Variants in DTNA observed in about 807,000 individuals in gnomAD.
DTNA encodes the protein dystrobrevin alpha, also known as dystrophin-related protein 3.
Under a neutral mutation model 100.7 loss-of-function variants are expected in DTNA, and 43 were observed. The observed-to-expected ratio is 0.43, with a 90% CI of 0.33 to 0.55. The LOEUF (loss-of-function observed/expected upper bound fraction) is 0.55, where lower values mean the gene tolerates loss of function less well. DTNA is among the 20% of genes least tolerant of loss of function. The probability of loss-of-function intolerance (pLI) is 0.04; values close to 1 mark genes in which losing one functional copy is unlikely to be tolerated. For synonymous variants in DTNA, 349 were observed against 347.9 expected (o/e 1.00, Z -0.04); for missense variants, 798 against 953.9 (o/e 0.84, Z 2.15).
intron 8 of DTNA, among the ~76,000 whole-genome samples, chr18:34,819,951 T>C (rs553355898): frequency 7.1e-4 from 107 of 150,212 alleles, no homozygotes; most frequent in Non-Finnish European, 1.3e-3. Context: ...GGTTTTATTA[T>C]TATGTTGGTG....
At chr18:34,874,283 G>A (rs1202627985) in intron 17 of DTNA, among the ~76,000 whole-genome samples, 6 of 152,318 alleles carry the variant, frequency 3.9e-5, no homozygotes, top group Non-Finnish European at 7.3e-5. Context: ...AACAGACTGG[G>A]ATGGAATTGA....
intron 1 of DTNA, among the ~76,000 whole-genome samples, chr18:34,746,645 C>T (rs868754334): frequency 1.3e-5 from 2 of 152,164 alleles, no homozygotes; most frequent in South Asian, 2.1e-4. Context: ...CCCACAGGGA[C>T]TCTGGAGGTC....
At chr18:34,626,697 G>A (rs1342594526) in intron 1 of DTNA, among the ~76,000 whole-genome samples, 3 of 152,200 alleles carry the variant, frequency 2.0e-5, no homozygotes, top group Non-Finnish European at 4.4e-5. Context: ...AGATATTAGT[G>A]ATAAGGAGGC....
intron 1 of DTNA, among the ~76,000 whole-genome samples, chr18:34,595,743 C>G (rs1281787765): frequency 6.6e-6 from 1 of 152,090 alleles, no homozygotes; most frequent in African/African-American, 2.4e-5. Context: ...AATTAAAGAT[C>G]GTAAGAGTAA....
At chr18:34,524,303 G>C (rs1224676469) in intron 1 of DTNA, among the ~76,000 whole-genome samples, 2 of 152,064 alleles carry the variant, frequency 1.3e-5, no homozygotes, top group Non-Finnish European at 2.9e-5. Context: ...GTACTACTTC[G>C]CATGTGATTA....
At chr18:34,553,277 T>C (rs2045654114) in intron 1 of DTNA, among the ~76,000 whole-genome samples, 1 of 151,832 alleles carries the variant, frequency 6.6e-6, no homozygotes, top group South Asian at 2.1e-4. Flanking sequence ...TTCTGGATAT[T>C]AGCCCTTTGT....
In DTNA at chr18:34,493,940, G is replaced by T. The variant is rs2038859638; in HGVS notation, c.-2+426G>T. 5 of 148,180 alleles carry T rather than the reference G, an allele frequency of 3.4e-5. No homozygotes were observed. In the South Asian group the frequency reaches 1.0e-3, roughly 31 times the overall value. The allele number at this position is 148,180 out of a possible 1,614,324, so 9.2% of individuals were successfully genotyped here. A position where few individuals can be genotyped will look rare whatever the true frequency, so the allele number is the denominator to read the frequency against. ...GGACTGCGGCGCGGCGCCTCCCCGG[G>T]CGGCGGGCGGCGCCTCAGGCCCGCG... On this transcript the variant is annotated intron_variant, in intron 1 of 19. Coordinates refer to the DTNA transcript ENST00000283365.
At position 34,887,998 on chromosome 18, in the gene DTNA, A is replaced by G. The variant is rs1002399344; in HGVS notation, c.*264A>G. The G allele has an allele frequency of 2.0e-6, 2 of 985,706 alleles. No individual in the cohort carries two copies. Among genetic ancestry groups the G allele is most frequent in the Non-Finnish European group, 2.4e-6 (2 of 829,948 alleles). 61.1% of individuals were successfully genotyped at this position (985,706 alleles called of 1,614,324 possible). On this transcript the variant is annotated 3_prime_UTR_variant, in exon 23 of 23. Coordinates refer to ENST00000444659, the MANE Select transcript of DTNA (RefSeq NM_001386795.1). ...GTAGTGCATAGGTGTGTGTTTCAAG[A>G]AGGAAAAAAAAAGACTTCTGTTCAA... is the stretch of plus-strand genomic sequence containing the variant.
At chr18:34,793,982 A>T in intron 3 of DTNA, 55 bp from the exon 4 acceptor site, 2 of 1,566,154 alleles carry the variant, frequency 1.3e-6, no homozygotes, top group Non-Finnish European at 1.7e-6. Flanking sequence ...ATGTAAACTG[A>T]TGTATTTGCC....
intron 1 of DTNA, among the ~76,000 whole-genome samples, chr18:34,498,874 T>G (rs2039580352): frequency 6.6e-6 from 1 of 152,230 alleles, no homozygotes. Flanking sequence ...AAACATAATC[T>G]GCATAATTAG....
rs200021359 is a variant in DTNA at position 34,755,983 on chromosome 18, G to A, written c.7G>A (p.Glu3Lys). 1.9e-6 allele frequency: 3 copies of A among 1,613,064 alleles called. No homozygotes were observed. Among genetic ancestry groups the A allele is most frequent in the African/African-American group, 2.7e-5 (2 of 75,026 alleles). The part of the protein sequence containing the change: MI[E>K]DSGKRGNTMA... ...AACTATTTTGTCTCATAGAATGATT[G>A]AAGATAGTGGGAAAAGAGGAAATAC... Residue 3 changes from glutamate (E) to lysine (K), a missense_variant, in exon 2 of 23, where the codon GAA (glutamate) becomes AAA (lysine). Around this residue, in one of 6 missense-constraint regions of DTNA, gnomAD observed 197 missense variants for 215.4 expected, o/e 0.91. Transcript: ENST00000444659.
At chr18:34,826,680 C>G (rs1396685630) in intron 9 of DTNA, among the ~76,000 whole-genome samples, 1 of 152,136 alleles carries the variant, frequency 6.6e-6, no homozygotes, top group Non-Finnish European at 1.5e-5. Flanking sequence ...GAAATTTCCT[C>G]TGATTCAGAA....
intron 1 of DTNA, among the ~76,000 whole-genome samples, chr18:34,603,232 GA>G (rs144399685): frequency 0.022 from 3,187 of 145,056 alleles, 49 homozygotes; most frequent in Middle Eastern, 0.035. Context: ...GAAAGGAAAG[GA>G]AAAAAAAATC....
At chr18:34,811,614 TCA>T (rs942021321) in intron 5 of DTNA, among the ~76,000 whole-genome samples, 2 of 152,194 alleles carry the variant, frequency 1.3e-5, no homozygotes, top group African/African-American at 4.8e-5. Context: ...AGCGTCTCTC[TCA>T]TATATACAAA....
At chr18:34,857,302 T>C (rs2096564079) in intron 15 of DTNA, among the ~76,000 whole-genome samples, 1 of 152,138 alleles carries the variant, frequency 6.6e-6, no homozygotes, top group Non-Finnish European at 1.5e-5. Context: ...AAGCAGGCAG[T>C]TTTAAATCAG....
rs375857388 is a variant in DTNA, at chr18:34,883,977, A to G, written c.2296-751A>G. ...AACAAATTCGCCTGATTGCAAACCC[A>G]TGGAGAGTGCAGTTTTCCTTGCGCC... On this transcript the variant is annotated intron_variant, in intron 21 of 22. Coordinates refer to ENST00000444659, the MANE Select transcript of DTNA (RefSeq NM_001386795.1). Among the ~76,000 whole-genome samples, 54 of 152,294 alleles carry G rather than the reference A, an allele frequency of 3.5e-4. No individual in the cohort carries two copies. The East Asian group carries it at 7.7e-3, about 22-fold the overall frequency.
chr18:34,765,930 A>T, intron 2 of DTNA, 31 bp from the exon 3 acceptor site: 1 of 1,608,014 alleles, frequency 6.2e-7, no homozygotes, highest in East Asian at 2.2e-5. Flanking sequence ...CACACATGGC[A>T]TACCTTATGT....
At chr18:34,626,620 A>G (rs2057354095) in intron 1 of DTNA, among the ~76,000 whole-genome samples, 1 of 152,192 alleles carries the variant, frequency 6.6e-6, no homozygotes, top group Non-Finnish European at 1.5e-5. Context: ...GTAGGTAGCA[A>G]TCTGCATGAC....
intron 3 of DTNA, chr18:34,767,510 G>C (rs1490163527): frequency 6.6e-6 from 1 of 152,166 alleles, no homozygotes; most frequent in Non-Finnish European, 1.5e-5. Flanking sequence ...TTGAAACTTT[G>C]CAATTTATAA....
Sources: gnomAD v4.1 joint callset for allele counts (sites outside exome capture counted in the v4.1 genomes callset) on GRCh38, gnomAD v4.1.1 for gene constraint, gnomAD v4.1.1 regional missense constraint, MANE v1.5 for transcripts, NCBI Gene and HGNC (gene_info 2026-07-23, HGNC 2026-07-21) for gene names.